ZC3H14: variants seen among roughly 807,000 people sequenced by gnomAD.
ZC3H14 encodes zinc finger CCCH domain-containing protein 14.
A neutral mutation model predicts 92.4 loss-of-function variants in ZC3H14; 31 were observed. The observed-to-expected ratio is 0.34, with a 90% CI of 0.25 to 0.45. The LOEUF (loss-of-function observed/expected upper bound fraction) is 0.45. ZC3H14 is among the 20% of genes least tolerant of loss of function. The pLI is 1.00. For synonymous variants in ZC3H14, 321 were observed against 300.9 expected (o/e 1.07, Z -0.69); for missense variants, 781 against 897.3 (o/e 0.87, Z 1.66).
At chr14:88,585,589 A>G (rs2082377099) in intron 9 of ZC3H14, among the ~76,000 whole-genome samples, 1 of 151,910 alleles carries the variant, frequency 6.6e-6, no homozygotes, top group East Asian at 1.9e-4. Context: ...ATTGGCCAGG[A>G]TGGTCTCAAT....
chr14:88,599,567 C>G (rs1439698162), intron 10 of ZC3H14, among the ~76,000 whole-genome samples: 1 of 152,170 alleles, frequency 6.6e-6, no homozygotes, highest in Non-Finnish European at 1.5e-5. Context: ...TTCCTCAACC[C>G]TGGAGCATGT....
In ZC3H14 at chr14:88,568,260, A is replaced by T. The variant is rs564365019; in HGVS notation, c.194+107A>T. ...CACTTGAGTTAGGTTTACTTTGGAG[A>T]GGCAGTTTGTGAGTGATGAGAGCAC... is the stretch of plus-strand genomic sequence containing the variant. On this transcript the variant is annotated intron_variant, in intron 3 of 16. Coordinates refer to ENST00000251038, the MANE Select transcript of ZC3H14 (RefSeq NM_024824.5). 99 of 927,542 alleles carry T rather than the reference A, an allele frequency of 1.1e-4. No homozygotes were observed. The African/African-American group carries it at 1.4e-3, about 13-fold the overall frequency. The allele number at this position is 927,542 out of a possible 1,614,324, so 57.5% of individuals were successfully genotyped here.
Position 88,622,496 on chromosome 14 carries a change from G to T in ZC3H14, c.*10745G>T. On this transcript the variant is annotated 3_prime_UTR_variant, in exon 17 of 17. Coordinates refer to ENST00000251038, the MANE Select transcript of ZC3H14 (RefSeq NM_024824.5). ...AGTAATGTTGGCAAGCAAATCCATC[G>T]TTATGCATTATTAAGTATTGTTCAT... is the stretch of plus-strand genomic sequence containing the variant. The T allele has an allele frequency of 1.2e-6, 1 of 839,804 alleles. No individual in the cohort carries two copies. The allele number at this position is 839,804 out of a possible 1,614,324, so 52.0% of individuals were successfully genotyped here. A position where few individuals can be genotyped will look rare whatever the true frequency, so the allele number is the denominator to read the frequency against.
intron 1 of ZC3H14, chr14:88,563,436 CT>C: frequency 2.8e-6 from 4 of 1,434,254 alleles, no homozygotes; most frequent in Non-Finnish European, 3.6e-6. Flanking sequence ...CACGGCGCCG[CT>C]TTGGATCCGC....
chr14:88,602,082 C>T lies in ZC3H14; in HGVS notation c.1513C>T (p.Arg505Ter). The T allele has an allele frequency of 2.5e-6, 4 of 1,613,808 alleles. No individual in the cohort carries two copies. The highest frequency in any genetic ancestry group is 3.4e-6 in the Non-Finnish European group (4 of 1,179,772). ...ACTTTCAGGACACCTTATGCAGACA[C>T]GGTAGATGGTTTCTTTTTCTTGTGT... ...RVLSGHLMQT[R>*]DLVQPDKPAS... Residue 505 changes from arginine to a stop codon, truncating the protein, a stop_gained and splice_region_variant, in exon 11 of 17, where the codon CGA (arginine) becomes TGA (stop). Transcript: ENST00000251038. LOFTEE classifies it high-confidence loss of function.
chr14:88,614,505 C>T lies in ZC3H14; in HGVS notation c.*2754C>T, dbSNP rs753703894. 1.2e-4 allele frequency: 19 copies of T among 152,066 alleles called. No homozygotes were observed. Among genetic ancestry groups the T allele is most frequent in the Non-Finnish European group, 2.2e-4 (15 of 68,018 alleles). The allele number at this position is 152,066 out of a possible 1,614,324, so 9.4% of individuals were successfully genotyped here. A position where few individuals can be genotyped will look rare whatever the true frequency, so the allele number is the denominator to read the frequency against. The stretch of plus-strand genomic sequence containing the variant: ...AAGAATCTTCATATATCCTGTCAGA[C>T]CAAATGGGATTCCAGGAACCTAAAG... On this transcript the variant is annotated 3_prime_UTR_variant, in exon 17 of 17. Coordinates refer to ENST00000251038, the MANE Select transcript of ZC3H14 (RefSeq NM_024824.5).
chr14:88,595,102 G>T (rs778544891), intron 9 of ZC3H14: 6 of 1,609,852 alleles, frequency 3.7e-6, no homozygotes, highest in Non-Finnish European at 5.1e-6. Context: ...CCTTAGAAAC[G>T]TTGAGAAAGG....
At position 88,568,055 on chromosome 14, in the gene ZC3H14, T is replaced by C; in HGVS notation, c.96T>C (p.Asp32=). The change falls in exon 3 of 17, where the codon GAT becomes GAC. Residue 32 remains aspartate, a synonymous_variant. Transcript: ENST00000251038. ...LGAYVDEELP[D]YIMVMVANKK... ...TTTAAATAGATGAAGAACTTCCTGATTACATTATGGTGATGGTGGCCAACA... is the reference window on the plus strand; with the variant it reads ...TTTAAATAGATGAAGAACTTCCTGACTACATTATGGTGATGGTGGCCAACA... 3 of 1,614,058 alleles carry C rather than the reference T, an allele frequency of 1.9e-6. No individual in the cohort carries two copies. The highest frequency in any genetic ancestry group is 2.5e-6 in the Non-Finnish European group (3 of 1,179,934).
chr14:88,602,064 G>A lies in ZC3H14; in HGVS notation c.1495G>A (p.Gly499Arg). The A allele has an allele frequency of 6.2e-7, 1 of 1,614,018 alleles. No individual in the cohort carries two copies. Among genetic ancestry groups the A allele is most frequent in the Non-Finnish European group, 8.5e-7 (1 of 1,179,930 alleles). The change falls in exon 11 of 17, where the codon GGA (glycine) becomes AGA (arginine). Residue 499 changes from glycine to arginine, a missense_variant. Coordinates refer to ENST00000251038, the MANE Select transcript of ZC3H14 (RefSeq NM_024824.5). Reference protein sequence around the residue: ...KTADSLRVLSGHLMQTRDLVQ... With the variant: ...KTADSLRVLSRHLMQTRDLVQ... Reference sequence around the variant, plus strand: ...TGCAGATTCCCTTCGGGTACTTTCAGGACACCTTATGCAGACACGGTAGAT... The same window carrying A: ...TGCAGATTCCCTTCGGGTACTTTCAAGACACCTTATGCAGACACGGTAGAT...
intron 10 of ZC3H14, 37 bp downstream of exon 10, chr14:88,596,845 T>C (rs754002233): frequency 1.9e-6 from 3 of 1,566,966 alleles, no homozygotes; most frequent in Non-Finnish European, 2.6e-6. Context: ...AATCCAGCCA[T>C]TTCAGTTGCC....
In ZC3H14 at chr14:88,621,278, C is replaced by G. The variant is rs563201174; in HGVS notation, c.*9527C>G. 75 of 1,613,908 alleles carry G rather than the reference C, an allele frequency of 4.6e-5. 1 individual carries two copies. In the South Asian group the frequency reaches 7.5e-4, roughly 16 times the overall value. On this transcript the variant is annotated 3_prime_UTR_variant, in exon 17 of 17. Transcript: ENST00000251038. ...CTCCAACTTCGATTATTTCAGCATT[C>G]CTTGTCCCAACAAGGATCTTGCCCT... is the stretch of plus-strand genomic sequence containing the variant.
intron 9 of ZC3H14, among the ~76,000 whole-genome samples, chr14:88,582,500 A>G (rs553789387): frequency 1.3e-5 from 2 of 152,352 alleles, no homozygotes; most frequent in East Asian, 3.9e-4. Context: ...TGTGTGTGAA[A>G]TTATAAAGAA....
chr14:88,578,082 A>G lies in ZC3H14; in HGVS notation c.1221A>G (p.Arg407=). 6.2e-7 allele frequency: 1 copy of G among 1,614,154 alleles called. No individual in the cohort carries two copies. The highest frequency in any genetic ancestry group is 1.1e-5 in the South Asian group (1 of 91,086). ...EVVQGQSRTP[R]ISPPIKEEET... is the part of the protein sequence containing the mutation. ...TCCAGGGACAAAGTAGGACCCCCAG[A>G]ATAAGTCCCCCCATTAAAGAAGAGG... Residue 407 remains arginine, a synonymous_variant, in exon 9 of 17, where the codon AGA becomes AGG. Transcript: ENST00000251038.
chr14:88,616,175 C>A lies in ZC3H14; in HGVS notation c.*4424C>A, dbSNP rs750897466. 19 of 1,613,712 alleles carry A rather than the reference C, an allele frequency of 1.2e-5. No individual in the cohort carries two copies. Among genetic ancestry groups the A allele is most frequent in the Non-Finnish European group, 1.6e-5 (19 of 1,179,810 alleles). On this transcript the variant is annotated 3_prime_UTR_variant, in exon 17 of 17. Transcript: ENST00000251038. ...ATCACCTCCAGCACTAACAACATGT[C>A]GATCACCACTGGTAAATCGAATATT...
chr14:88,618,628 G>A lies in ZC3H14; in HGVS notation c.*6877G>A. Reference sequence around the variant, plus strand: ...AAAAGCAGAAGAACTTGCCACCTGGGTATACAGTATTGGTACTGTACCTGG... The same window carrying A: ...AAAAGCAGAAGAACTTGCCACCTGGATATACAGTATTGGTACTGTACCTGG... On this transcript the variant is annotated 3_prime_UTR_variant, in exon 17 of 17. Transcript: ENST00000251038. The A allele has an allele frequency of 1.3e-6, 2 of 1,595,662 alleles. No individual in the cohort carries two copies. The highest frequency in any genetic ancestry group is 1.7e-6 in the Non-Finnish European group (2 of 1,172,282).
rs2087167506 is a variant in ZC3H14 at position 88,613,651 on chromosome 14, G to A, written c.*1900G>A. Reference sequence around the variant, plus strand: ...GGTTTAAAATGATCACCACAAAAAGGGACCACAAAAAAAGGAAGGAAATGA... The same window carrying A: ...GGTTTAAAATGATCACCACAAAAAGAGACCACAAAAAAAGGAAGGAAATGA... On this transcript the variant is annotated 3_prime_UTR_variant, in exon 17 of 17. Transcript: ENST00000251038. 2 of 151,874 alleles carry A rather than the reference G, an allele frequency of 1.3e-5. No homozygotes were observed. The highest frequency in any genetic ancestry group is 4.8e-5 in the African/African-American group (2 of 41,336). The allele number at this position is 151,874 out of a possible 1,614,324, so 9.4% of individuals were successfully genotyped here.
chr14:88,590,916 G>A (rs915441215), intron 9 of ZC3H14: 1 of 152,082 alleles, frequency 6.6e-6, no homozygotes, highest in Non-Finnish European at 1.5e-5. Flanking sequence ...CTCATTTGTG[G>A]TTTTGCCTGC....
Position 88,609,348 on chromosome 14 carries a change from A to G in ZC3H14, c.1950A>G (p.Pro650=). 2 of 1,614,132 alleles carry G rather than the reference A, an allele frequency of 1.2e-6. No homozygotes were observed. The highest frequency in any genetic ancestry group is 1.7e-6 in the Non-Finnish European group (2 of 1,179,996). Residue 650 remains proline, a synonymous_variant, in exon 14 of 17, where the codon CCA becomes CCG. Transcript: ENST00000251038. ...NCKYDAKCTK[P]DCPFTHVSRR... ...AATATGATGCAAAGTGTACTAAACC[A>G]GATTGTCCCTTCACTCATGTGAGTA...
rs778281977 is a variant in ZC3H14 at position 88,615,659 on chromosome 14, T to C, written c.*3908T>C. ...TTATACCCAGTGCATATAGCAAATA[T>C]TTTGAACAGATCAGTCTTTCACTAT... On this transcript the variant is annotated 3_prime_UTR_variant, in exon 17 of 17. Transcript: ENST00000251038. 2 of 652,622 alleles carry C rather than the reference T, an allele frequency of 3.1e-6. No homozygotes were observed. Among genetic ancestry groups the C allele is most frequent in the Non-Finnish European group, 2.6e-6 (1 of 384,606 alleles). 40.4% of individuals were successfully genotyped at this position (652,622 alleles called of 1,614,324 possible). A position where few individuals can be genotyped will look rare whatever the true frequency, so the allele number is the denominator to read the frequency against.
Sources: allele counts gnomAD v4.1 joint callset (sites outside exome capture counted in the v4.1 genomes callset), GRCh38; gene constraint gnomAD v4.1.1; transcripts MANE v1.5; gene names NCBI Gene and HGNC (gene_info 2026-07-23, HGNC 2026-07-21).